Variants in ABCC10 observed in about 807,000 individuals in gnomAD.
ABCC10 encodes the protein ATP-binding cassette sub-family C member 10.
A neutral mutation model predicts 143.2 loss-of-function variants in ABCC10; 110 were observed. The observed-to-expected ratio is 0.77, with a 90% CI of 0.66 to 0.90. The LOEUF (loss-of-function observed/expected upper bound fraction) is 0.90, where lower values mean the gene tolerates loss of function less well. ABCC10 is among the 40% of genes least tolerant of loss of function. The pLI, the probability that ABCC10 is intolerant of heterozygous loss-of-function variation, is 0.00. For missense variants in ABCC10, 1,700 were observed against 1,900.5 expected (o/e 0.89, Z 1.96); for synonymous variants, 805 against 846.7 (o/e 0.95, Z 0.85).
intron 17 of ABCC10, 95 bp downstream of exon 17, chr6:43,447,503 C>G: frequency 6.4e-7 from 1 of 1,558,458 alleles, no homozygotes; most frequent in Non-Finnish European, 8.7e-7. Context: ...CCATCTTTCT[C>G]AGCTCCCATA....
Position 43,436,693 on chromosome 6 carries a change from A to T in ABCC10, c.1875+446A>T, listed in dbSNP as rs144805380. 4.6e-5 allele frequency among the ~76,000 whole-genome samples: 7 copies of T among 152,270 alleles called. No individual in the cohort carries two copies. The East Asian group carries it at 1.4e-3, about 29-fold the overall frequency. On this transcript the variant is annotated intron_variant, in intron 6 of 21. Transcript: ENST00000372530. ...GTGACTCATGCTACAGCATACAAAG[A>T]ACTTAAAATGGGGCATTCCTGGCAA...
intron 16 of ABCC10, 177 bp downstream of exon 16, chr6:43,446,623 G>A: frequency 1.0e-6 from 1 of 985,170 alleles, no homozygotes; most frequent in South Asian, 4.7e-5. Flanking sequence ...TCCCCAGGAG[G>A]GACTTGCCCA....
In ABCC10 at chr6:43,443,769, G is replaced by C; in HGVS notation, c.2417-164G>C. On this transcript the variant is annotated intron_variant, in intron 10 of 21. Transcript: ENST00000372530. The surrounding 1 kb of genome is among the most constrained non-coding windows in gnomAD (Gnocchi z 4.2). ...GGGGTATCCAGAGCAGGGTGGGTTAGAGAGGGAGGCCTAAGAGTCCTGCTC... is the reference window on the plus strand; with the variant it reads ...GGGGTATCCAGAGCAGGGTGGGTTACAGAGGGAGGCCTAAGAGTCCTGCTC... 1.5e-6 allele frequency: 1 copy of C among 684,250 alleles called. No individual in the cohort carries two copies. The highest frequency in any genetic ancestry group is 1.8e-5 in the African/African-American group (1 of 56,630). 42.4% of individuals were successfully genotyped at this position (684,250 alleles called of 1,614,324 possible).
chr6:43,442,576 A>T (rs1782588480), intron 9 of ABCC10, among the ~76,000 whole-genome samples: 2 of 152,080 alleles, frequency 1.3e-5, no homozygotes, highest in African/African-American at 4.8e-5. Flanking sequence ...TGTCTCCAAA[A>T]AAATTTAGCT....
intron 12 of ABCC10, 91 bp downstream of exon 12, chr6:43,444,444 C>T (rs1782808497): frequency 1.4e-6 from 2 of 1,411,584 alleles, no homozygotes; most frequent in Admixed American, 2.6e-5. Context: ...AGCCCAGAGA[C>T]TCACCAAGCA....
At chr6:43,451,021 C>CT (rs1783699858), downstream of ABCC10, 2 of 1,614,112 alleles carry the variant, frequency 1.2e-6, no homozygotes, top group East Asian at 4.5e-5. This position sits in a 1 kb window ranked among gnomAD's most constrained non-coding sequence, Gnocchi z 4.4. Context: ...CAGCGGGCCC[C>CT]TCTCTGGCAT....
Position 43,444,797 on chromosome 6 carries a change from A to G in ABCC10, c.2699A>G (p.Asn900Ser). The G allele has an allele frequency of 6.3e-7, 1 of 1,599,000 alleles. No individual in the cohort carries two copies. The change falls in exon 13 of 22, where the codon AAC becomes AGC. Residue 900 changes from asparagine to serine, a missense_variant. Coordinates refer to ENST00000372530, the MANE Select transcript of ABCC10 (RefSeq NM_001198934.2). ...TCCTGTCCCCACCCAGCCACGCGGA[A>G]CGCTGCTGACTGGTGGCTCTCCCAC... ...FSLLLMQATR[N>S]AADWWLSHWI...
Position 43,445,305 on chromosome 6 carries a change from A to T in ABCC10, c.3021A>T (p.Arg1007=). The change falls in exon 14 of 22, where the codon CGA becomes CGT. Residue 1007 remains arginine, a synonymous_variant. Transcript: ENST00000372530. ...AATLHRRLLH[R]VLMAPVTFFN... ...CTCTGCATCGCCGCCTGCTGCATCGAGTCCTTATGGTGAGGGGCTGGGACC... is the reference window on the plus strand; with the variant it reads ...CTCTGCATCGCCGCCTGCTGCATCGTGTCCTTATGGTGAGGGGCTGGGACC... 6.2e-7 allele frequency: 1 copy of T among 1,613,206 alleles called. No individual in the cohort carries two copies. Among genetic ancestry groups the T allele is most frequent in the Middle Eastern group, 1.7e-4 (1 of 6,058 alleles).
intron 2 of ABCC10, 170 bp from the exon 3 acceptor site, chr6:43,431,972 A>C: frequency 7.0e-7 from 1 of 1,428,206 alleles, no homozygotes; most frequent in Non-Finnish European, 9.2e-7. Context: ...ATCTGGGAAG[A>C]CTTCCTGGGA....
At position 43,446,381 on chromosome 6, in the gene ABCC10, C is replaced by T. The variant is rs764021233; in HGVS notation, c.3479C>T (p.Ala1160Val). The T allele has an allele frequency of 2.2e-5, 35 of 1,613,308 alleles. No homozygotes were observed. The highest frequency in any genetic ancestry group is 6.7e-5 in the East Asian group (3 of 44,888). Reference sequence around the variant, plus strand: ...GACATTCGGCTACAGCTCATGGGGGCGGCAGTGGTCAGCGCTATCGCAGGC... The same window carrying T: ...GACATTCGGCTACAGCTCATGGGGGTGGCAGTGGTCAGCGCTATCGCAGGC... ...WLDIRLQLMG[A>V]AVVSAIAGIA... Residue 1160 changes from alanine to valine, a missense_variant, in exon 16 of 22, where the codon GCG becomes GTG. Physicochemically the swap from Ala to Val is moderately conservative, Grantham distance 64 (BLOSUM62 0). Transcript: ENST00000372530.
chr6:43,428,656 A>G (rs771783970), intron 2 of ABCC10, among the ~76,000 whole-genome samples: 10 of 152,198 alleles, frequency 6.6e-5, no homozygotes, highest in Non-Finnish European at 1.5e-4. Context: ...GCCTTCCCCA[A>G]TTAAGGGCTA....
intron 4 of ABCC10, 113 bp downstream of exon 4, chr6:43,434,961 A>G: frequency 8.8e-7 from 1 of 1,139,160 alleles, no homozygotes; most frequent in South Asian, 1.4e-5. Flanking sequence ...TGACTGCCTC[A>G]TCTCTCAACC....
intron 4 of ABCC10, 121 bp from the exon 5 acceptor site, chr6:43,435,630 G>C: frequency 1.6e-6 from 2 of 1,231,046 alleles, no homozygotes; most frequent in Non-Finnish European, 2.2e-6. Context: ...GGATTGGCCA[G>C]CCAGCCCTTC....
chr6:43,447,765 CTGGA>C lies in ABCC10; in HGVS notation c.3792_3795del (p.Asp1264GlufsTer2). On this transcript the variant is annotated frameshift_variant, in exon 18 of 22. Transcript: ENST00000372530. LOFTEE classifies it high-confidence loss of function. ...GTACCGGCCAGGGCTGCCGAATGCC[CTGGA>C]TGGAGTGACCTTCTGCGTGCAGCCT... 1.9e-6 allele frequency: 3 copies of C among 1,613,834 alleles called. No individual in the cohort carries two copies. The highest frequency in any genetic ancestry group is 2.5e-6 in the Non-Finnish European group (3 of 1,179,956).
intron 2 of ABCC10, among the ~76,000 whole-genome samples, chr6:43,428,486 A>G (rs1780742586): frequency 6.6e-6 from 1 of 152,216 alleles, no homozygotes; most frequent in Non-Finnish European, 1.5e-5. Context: ...TTGGGGGAAC[A>G]ACGTTTTTAG....
rs141003894 is a variant in ABCC10, at chr6:43,436,331, A to G, written c.1875+84A>G. 142 of 1,481,976 alleles carry G rather than the reference A, an allele frequency of 9.6e-5. 1 individual carries two copies. The African/African-American group carries it at 1.8e-3, about 19-fold the overall frequency. The allele number at this position is 1,481,976 out of a possible 1,614,324, so 91.8% of individuals were successfully genotyped here. ...TGTCAGAGAAGCAGTGACCGAGCCA[A>G]TCATAGCTGATGGCTCTGCAGCTCT... On this transcript the variant is annotated intron_variant, in intron 6 of 21. Transcript: ENST00000372530.
intron 21 of ABCC10, 35 bp downstream of exon 21, chr6:43,449,569 C>G: frequency 3.2e-6 from 5 of 1,566,650 alleles, no homozygotes; most frequent in Non-Finnish European, 4.4e-6. Context: ...TAATCAGGGA[C>G]TGTGGTAGCA....
intron 2 of ABCC10, among the ~76,000 whole-genome samples, chr6:43,430,457 G>A (rs1309914327): frequency 6.6e-6 from 1 of 151,974 alleles, no homozygotes; most frequent in African/African-American, 2.4e-5. Flanking sequence ...ACTGTCATCA[G>A]GTGGACTTTT....
rs553235073 is a variant in ABCC10 at position 43,434,501 on chromosome 6, G to A, written c.1381-120G>A. 6 of 890,762 alleles carry A rather than the reference G, an allele frequency of 6.7e-6. No homozygotes were observed. In the East Asian group the frequency reaches 7.3e-5, roughly 11 times the overall value. The allele number at this position is 890,762 out of a possible 1,614,324, so 55.2% of individuals were successfully genotyped here. A position where few individuals can be genotyped will look rare whatever the true frequency, so the allele number is the denominator to read the frequency against. ...GGAAGAAAACCAAGACTAGGGCAGT[G>A]CAGAGTATCTGGGAGCTTAGAGTAC... On this transcript the variant is annotated intron_variant, in intron 3 of 21. Transcript: ENST00000372530.
Sources: allele counts gnomAD v4.1 joint callset (sites outside exome capture counted in the v4.1 genomes callset), GRCh38; gene constraint gnomAD v4.1.1; non-coding constraint Gnocchi (gnomAD v3.1); transcripts MANE v1.5; gene names NCBI Gene and HGNC (gene_info 2026-07-23, HGNC 2026-07-21).